FRMD6: variants seen among roughly 807,000 people sequenced by gnomAD.
FRMD6 encodes the protein FERM domain containing 6, also known as FERM domain-containing protein 6.
A neutral mutation model predicts 73.2 loss-of-function variants in FRMD6; 37 were observed. The observed-to-expected ratio is 0.51, with a 90% CI of 0.39 to 0.66. The LOEUF (loss-of-function observed/expected upper bound fraction) is 0.66. FRMD6 is among the 30% of genes least tolerant of loss of function. FRMD6 has a pLI of 0.00. For missense variants in FRMD6, 714 were observed against 780.5 expected, an observed-to-expected ratio of 0.91 and a Z score of 1.02; for synonymous variants, 273 against 282.2, an observed-to-expected ratio of 0.97 and a Z score of 0.33.
the FRMD6 span, among the ~76,000 whole-genome samples, chr14:51,430,286 G>T: frequency 6.6e-6 from 1 of 152,168 alleles, no homozygotes; most frequent in Non-Finnish European, 1.5e-5. Flanking sequence ...AGAGTTCTTT[G>T]TGTGTAAAGT....
chr14:51,717,554 C>G (rs1245291975), intron 10 of FRMD6, among the ~76,000 whole-genome samples: 2 of 152,150 alleles, frequency 1.3e-5, no homozygotes, highest in Non-Finnish European at 2.9e-5. Flanking sequence ...AACAGACATT[C>G]AAACCATAGC....
intron 1 of FRMD6, among the ~76,000 whole-genome samples, chr14:51,669,788 T>A (rs1211940020): frequency 1.3e-5 from 2 of 152,174 alleles, no homozygotes; most frequent in East Asian, 1.9e-4. Flanking sequence ...GAAAATGTAT[T>A]TTCTGTTATG....
chr14:51,712,363 A>G, intron 8 of FRMD6, 120 bp from the exon 9 acceptor site: 1 of 661,588 alleles, frequency 1.5e-6, no homozygotes, highest in Non-Finnish European at 2.7e-6. Flanking sequence ...CTCCAAAGAG[A>G]TGTGGGGGCT....
intron 2 of FRMD6, among the ~76,000 whole-genome samples, chr14:51,617,063 T>A (rs949823251): frequency 6.6e-6 from 1 of 152,218 alleles, no homozygotes; most frequent in African/African-American, 2.4e-5. Context: ...TATTAAAGCA[T>A]CAGGAGTGCC....
chr14:51,720,141 A>C lies in FRMD6; in HGVS notation c.1111A>C (p.Ser371Arg). Residue 371 changes from serine to arginine, a missense_variant, in exon 11 of 14, where the codon AGC becomes CGC. Coordinates refer to ENST00000344768, the MANE Select transcript of FRMD6 (RefSeq NM_001267046.2). ...GGAAAAACGGTCGCGGGCCAGCGGG[A>C]GCAGTGCGGGCAGCATGAAACACAA... ...QLEKRSRASGSSAGSMKHKRL... is the reference protein window; with the variant it reads ...QLEKRSRASGRSAGSMKHKRL... 2 of 1,613,858 alleles carry C rather than the reference A, an allele frequency of 1.2e-6. No homozygotes were observed. Among genetic ancestry groups the C allele is most frequent in the Non-Finnish European group, 1.7e-6 (2 of 1,180,018 alleles).
intron 2 of FRMD6, among the ~76,000 whole-genome samples, chr14:51,614,870 G>A (rs1409751959): frequency 6.6e-6 from 1 of 152,160 alleles, no homozygotes; most frequent in Non-Finnish European, 1.5e-5. Context: ...AAGGGTCTGT[G>A]GTTAATTGCT....
At chr14:51,515,297 C>G (rs995728761) in intron 1 of FRMD6, among the ~76,000 whole-genome samples, 2 of 152,250 alleles carry the variant, frequency 1.3e-5, no homozygotes, top group African/African-American at 4.8e-5. Context: ...ACTCAGTCCC[C>G]TTCTACCACT....
chr14:51,685,561 T>C (rs1266781734), intron 1 of FRMD6, among the ~76,000 whole-genome samples: 3 of 152,220 alleles, frequency 2.0e-5, no homozygotes, highest in South Asian at 2.1e-4. Flanking sequence ...CATTTTGATA[T>C]CACTTTTGGG....
At chr14:51,612,309 C>T (rs576803688) in intron 2 of FRMD6, among the ~76,000 whole-genome samples, 4 of 152,288 alleles carry the variant, frequency 2.6e-5, no homozygotes, top group East Asian at 3.9e-4. Flanking sequence ...AAACCAGCCT[C>T]ATTGTTGTAA....
At chr14:51,542,141 A>G (rs1240971639) in intron 1 of FRMD6, among the ~76,000 whole-genome samples, 4 of 152,038 alleles carry the variant, frequency 2.6e-5, no homozygotes, top group African/African-American at 2.4e-5. Context: ...ATTTTGGTAA[A>G]ATACACACAA....
chr14:51,413,679 T>C, the FRMD6 span, among the ~76,000 whole-genome samples: 1 of 152,346 alleles, frequency 6.6e-6, no homozygotes, highest in South Asian at 2.1e-4. Context: ...TACCCAGTAA[T>C]AGGATTGCTG....
chr14:51,633,479 G>A (rs12432820), intron 2 of FRMD6, among the ~76,000 whole-genome samples: 35,350 of 150,582 alleles, frequency 0.23, 4,460 homozygotes, highest in East Asian at 0.3. Context: ...ACTCATGCCT[G>A]TGGTCCCAGC....
At chr14:51,702,648 A>G in intron 5 of FRMD6, 60 bp downstream of exon 5, 20 of 1,287,814 alleles carry the variant, frequency 1.6e-5, no homozygotes, top group Non-Finnish European at 2.2e-5. Flanking sequence ...TTTTTCTAAC[A>G]TACCAAATAA....
At chr14:51,699,284 T>G (rs1436565629) in intron 3 of FRMD6, among the ~76,000 whole-genome samples, 1 of 152,082 alleles carries the variant, frequency 6.6e-6, no homozygotes, top group East Asian at 1.9e-4. Context: ...TAAAACACAG[T>G]TGCTAAGCTC....
At chr14:51,476,378 T>C in the FRMD6 span, among the ~76,000 whole-genome samples, 1 of 152,266 alleles carries the variant, frequency 6.6e-6, no homozygotes, top group South Asian at 2.1e-4. Flanking sequence ...ATTGCAGCAG[T>C]TGGAGCAGGA....
At chr14:51,636,084 A>T (rs970276834) in intron 2 of FRMD6, among the ~76,000 whole-genome samples, 1 of 152,212 alleles carries the variant, frequency 6.6e-6, no homozygotes, top group Non-Finnish European at 1.5e-5. Flanking sequence ...AACATTTAAT[A>T]GGGACTTAGG....
At chr14:51,402,300 C>T in the FRMD6 span, among the ~76,000 whole-genome samples, 1 of 152,170 alleles carries the variant, frequency 6.6e-6, no homozygotes, top group Non-Finnish European at 1.5e-5. Context: ...GCAGCTATTT[C>T]ACAAACCTTT....
chr14:51,718,894 G>A (rs1897381562), intron 10 of FRMD6, among the ~76,000 whole-genome samples: 1 of 151,918 alleles, frequency 6.6e-6, no homozygotes, highest in South Asian at 2.1e-4. Context: ...ACCCTGTGAT[G>A]ATTATACTTC....
At chr14:51,710,802 A>C (rs1464232613) in intron 7 of FRMD6, among the ~76,000 whole-genome samples, 2 of 152,172 alleles carry the variant, frequency 1.3e-5, no homozygotes, top group Non-Finnish European at 2.9e-5. Context: ...ACAGATGAGC[A>C]CTTAAAGGAT....
Sources: allele counts gnomAD v4.1 joint callset (sites outside exome capture counted in the v4.1 genomes callset), GRCh38; gene constraint gnomAD v4.1.1; transcripts MANE v1.5; gene names NCBI Gene and HGNC (gene_info 2026-07-23, HGNC 2026-07-21).